IQSEC2: variants seen among roughly 807,000 people sequenced by gnomAD.
IQSEC2 encodes IQ motif and SEC7 domain-containing protein 2.
IQSEC2 carries 6 observed loss-of-function variants against 74.6 expected under a neutral mutation model. That is an observed-to-expected ratio of 0.08 (90% CI 0.04 to 0.16). The LOEUF is 0.16. Among genes scored for constraint, IQSEC2 ranks in the 10% least tolerant of loss-of-function variants. The probability of loss-of-function intolerance (pLI) is 1.00; values close to 1 mark genes in which losing one functional copy is unlikely to be tolerated. For synonymous variants in IQSEC2, 494 were observed against 544.5 expected, an observed-to-expected ratio of 0.91 and a Z score of 1.29; for missense variants, 734 against 1,306.2, an observed-to-expected ratio of 0.56 and a Z score of 6.75.
At position 53,248,188 on chromosome X, in the gene IQSEC2, C is replaced by T. The variant is rs2274308; in HGVS notation, c.2508G>A (p.Ala836=). The change falls in exon 7 of 15, where the codon GCG becomes GCA. Residue 836 remains alanine (A), a synonymous_variant. Coordinates refer to ENST00000642864, the MANE Select transcript of IQSEC2 (RefSeq NM_001111125.3). ...MDFSSMDLDD[A]LRKFQSHIRV... is the part of the protein sequence containing the mutation. ...GGATATGGGACTGGAACTTCCGGAG[C>T]GCATCATCCAGATCCATGGAGGAGA... is the stretch of plus-strand genomic sequence containing the variant. 736 of 1,207,872 alleles carry T rather than the reference C, an allele frequency of 6.1e-4. 6 individuals are homozygous for T. The highest frequency in any genetic ancestry group is 3.3e-3 in the East Asian group (110 of 33,705).
intron 1 of IQSEC2, among the ~76,000 whole-genome samples, chrX:53,296,883 A>G (rs1231363361): frequency 8.9e-6 from 1 of 111,928 alleles, no homozygotes; most frequent in Non-Finnish European, 1.9e-5. Context: ...TTTACACACG[A>G]CTGTGCAGTG....
chrX:53,239,477 A>T, intron 10 of IQSEC2, 183 bp from the exon 11 acceptor site: 3 of 419,967 alleles, frequency 7.1e-6, no homozygotes, highest in Non-Finnish European at 1.3e-5. Flanking sequence ...CATGGAAGAA[A>T]ACGCAAGTTC....
At position 53,259,154 on chromosome X, in the gene IQSEC2, C is replaced by T. The variant is rs1602299421; in HGVS notation, c.738-3093G>A. Among the ~76,000 whole-genome samples, 3 of 89,883 alleles carry T rather than the reference C, an allele frequency of 3.3e-5. No homozygotes were observed. In the Admixed American group the frequency reaches 4.2e-4, roughly 13 times the overall value. 78.1% of individuals were successfully genotyped at this position (89,883 alleles called of 115,157 possible). A position where few individuals can be genotyped will look rare whatever the true frequency, so the allele number is the denominator to read the frequency against. ...GCAGTGAGCTGACATCGCACCACTG[C>T]ACTCCAGCCTGGGAGATAGAGTGAG... On this transcript the variant is annotated intron_variant, in intron 2 of 14. Coordinates refer to ENST00000642864, the MANE Select transcript of IQSEC2 (RefSeq NM_001111125.3).
Position 53,320,800 on chromosome X carries a change from G to C in IQSEC2, c.324C>G (p.His108Gln). The C allele has an allele frequency of 8.6e-7, 1 of 1,163,736 alleles. No individual in the cohort carries two copies. Among genetic ancestry groups the C allele is most frequent in the South Asian group, 1.9e-5 (1 of 52,391 alleles). ...HHRELRESQF[H>Q]QAARDVGYPN... ...GGTAGCCCACGTCCCGGGCCGCCTG[G>C]TGGAACTGGCTCTCCCGCAGCTCGC... Residue 108 changes from histidine to glutamine, a missense_variant, in exon 1 of 15, where the codon CAC (histidine) becomes CAG (glutamine). This residue lies in a region of IQSEC2 where 134 missense variants were observed against 214.9 expected (regional missense o/e 0.62). Coordinates refer to ENST00000642864, the MANE Select transcript of IQSEC2 (RefSeq NM_001111125.3).
chrX:53,259,061 G>C (rs1299901168), intron 2 of IQSEC2, among the ~76,000 whole-genome samples: 1 of 106,816 alleles, frequency 9.4e-6, no homozygotes, highest in Non-Finnish European at 1.9e-5. Context: ...CATGGTGGGT[G>C]TGCCTGTAAT....
At position 53,320,646 on chromosome X, in the gene IQSEC2, G is replaced by A; in HGVS notation, c.478C>T (p.His160Tyr). ...CGACCCAGGGCTGGGTTCTCGTGGT[G>A]CAGGTGGCACTGGGCCACGTCACGC... ...RERDVAQCHL[H>Y]HENPALGRER... is the part of the protein sequence containing the mutation. The change falls in exon 1 of 15, where the codon CAC becomes TAC. Residue 160 changes from histidine to tyrosine, a missense_variant. Physicochemically the swap from His to Tyr is moderately conservative, Grantham distance 83. Transcript: ENST00000642864. 8.6e-7 allele frequency: 1 copy of A among 1,164,002 alleles called. No individual in the cohort carries two copies. Among genetic ancestry groups the A allele is most frequent in the South Asian group, 1.9e-5 (1 of 52,486 alleles).
rs1243485516 is a variant in IQSEC2, at chrX:53,234,971, G to A, written c.3715C>T (p.His1239Tyr). ...SASSSSASST[H>Y]HHHHHHHHGH... Reference sequence around the variant, plus strand: ...TGATGGTGGTGGTGGTGGTGGTGGTGCGTGGAAGAAGCAGATGAAGAGGAG... The same window carrying A: ...TGATGGTGGTGGTGGTGGTGGTGGTACGTGGAAGAAGCAGATGAAGAGGAG... Residue 1239 changes from histidine to tyrosine, a missense_variant, in exon 15 of 15, where the codon CAC becomes TAC. By Grantham distance (83) the His-to-Tyr change is moderately conservative. Around this residue, in one of 12 missense-constraint regions of IQSEC2, gnomAD observed 249 missense variants for 467.9 expected, o/e 0.53. Transcript: ENST00000642864. The A allele has an allele frequency of 1.7e-6, 2 of 1,165,828 alleles. No individual in the cohort carries two copies. Among genetic ancestry groups the A allele is most frequent in the African/African-American group, 3.6e-5 (2 of 55,641 alleles).
At chrX:53,279,049 C>A (rs781848601) in intron 2 of IQSEC2, 1 of 111,349 alleles carries the variant, frequency 9.0e-6, no homozygotes, top group African/African-American at 3.3e-5. Flanking sequence ...GGTGTAGTGG[C>A]GCATGCCTGT....
chrX:53,297,896 G>A (rs782187970), intron 1 of IQSEC2, among the ~76,000 whole-genome samples: 2 of 111,200 alleles, frequency 1.8e-5, no homozygotes, highest in East Asian at 2.8e-4. Context: ...TTGGGAGGCC[G>A]AGGTGGGCAG....
intron 9 of IQSEC2, among the ~76,000 whole-genome samples, chrX:53,242,548 C>G (rs1276123557): frequency 1.8e-5 from 2 of 109,198 alleles, no homozygotes; most frequent in East Asian, 5.8e-4. Flanking sequence ...CTCTCCTAAA[C>G]TGGACCATAA....
chrX:53,254,407 A>G, intron 4 of IQSEC2, 123 bp downstream of exon 4: 1 of 555,180 alleles, frequency 1.8e-6, no homozygotes, highest in Non-Finnish European at 2.8e-6. Flanking sequence ...CTCAAATGGT[A>G]GCTATTTGCT....
Position 53,234,512 on chromosome X carries a change from G to A in IQSEC2, c.4174C>T (p.His1392Tyr). ...KQGPKHFIFS[H>Y]HPQMMPAAGA... The stretch of plus-strand genomic sequence containing the variant: ...GCTGCTGGCATCATCTGTGGGTGGT[G>A]GCTGAAGATGAAGTGCTTAGGGCCC... The change falls in exon 15 of 15, where the codon CAC becomes TAC. Residue 1392 changes from histidine to tyrosine, a missense_variant. His to Tyr is a moderately conservative substitution (Grantham distance 83). This residue lies in a region of IQSEC2 where 249 missense variants were observed against 467.9 expected (regional missense o/e 0.53). Coordinates refer to ENST00000642864, the MANE Select transcript of IQSEC2 (RefSeq NM_001111125.3). 9.1e-7 allele frequency: 1 copy of A among 1,103,404 alleles called. No homozygotes were observed. The highest frequency in any genetic ancestry group is 2.4e-5 in the South Asian group (1 of 42,523). 90.9% of individuals were successfully genotyped at this position (1,103,404 alleles called of 1,213,427 possible).
chrX:53,258,012 C>T (rs782026290), intron 2 of IQSEC2, among the ~76,000 whole-genome samples: 15 of 111,641 alleles, frequency 1.3e-4, no homozygotes, highest in African/African-American at 4.6e-4. Context: ...CCTATTCCAT[C>T]CACCCATCAT....
At chrX:53,297,844 C>A (rs1194627754) in intron 1 of IQSEC2, among the ~76,000 whole-genome samples, 2 of 111,301 alleles carry the variant, frequency 1.8e-5, no homozygotes, top group African/African-American at 6.5e-5. Context: ...CAACCTCTCT[C>A]TCAGGCCAGG....
In IQSEC2 at chrX:53,247,093, G is replaced by T; in HGVS notation, c.2625C>A (p.Phe875Leu). 1 of 1,211,323 alleles carries T rather than the reference G, an allele frequency of 8.3e-7. No individual in the cohort carries two copies. Among genetic ancestry groups the T allele is most frequent in the African/African-American group, 1.7e-5 (1 of 57,751 alleles). Residue 875 changes from phenylalanine (F) to leucine (L), a missense_variant, in exon 8 of 15, where the codon TTC becomes TTA. Coordinates refer to ENST00000642864, the MANE Select transcript of IQSEC2 (RefSeq NM_001111125.3). ...GGATGAAGATGGTGTCTGGGTTCCG[G>T]AACTGGCGCACGAGGGCTGGGTTAC... ...CVCNPALVRQFRNPDTIFILA... is the reference protein window; with the variant it reads ...CVCNPALVRQLRNPDTIFILA...
chrX:53,279,269 C>G (rs1217824123), intron 2 of IQSEC2: 3 of 277,348 alleles, frequency 1.1e-5, no homozygotes, highest in Admixed American at 5.7e-5. Flanking sequence ...ATCCAACTGG[C>G]AAACTCCTAT....
chrX:53,242,022 C>A (rs2074229971), intron 9 of IQSEC2, 113 bp from the exon 10 acceptor site: 8 of 908,557 alleles, frequency 8.8e-6, no homozygotes, highest in Non-Finnish European at 1.2e-5. Context: ...GTGTGTCACT[C>A]TGACACAAGG....
At chrX:53,305,478 TG>T (rs1698961633) in intron 1 of IQSEC2, among the ~76,000 whole-genome samples, 1 of 111,812 alleles carries the variant, frequency 8.9e-6, no homozygotes, top group African/African-American at 3.3e-5. Context: ...CCCAAAGTGC[TG>T]GGAGTACAGA....
At chrX:53,246,426 T>C (rs1191686276) in intron 8 of IQSEC2, among the ~76,000 whole-genome samples, 1 of 111,920 alleles carries the variant, frequency 8.9e-6, no homozygotes, top group Non-Finnish European at 1.9e-5. Flanking sequence ...AGTCAGCCTC[T>C]CCCACACACA....
Sources: gnomAD v4.1 joint callset for allele counts (sites outside exome capture counted in the v4.1 genomes callset) on GRCh38, gnomAD v4.1.1 for gene constraint, gnomAD v4.1.1 regional missense constraint, MANE v1.5 for transcripts, NCBI Gene and HGNC (gene_info 2026-07-23, HGNC 2026-07-21) for gene names.